Variants in KHDRBS2 observed in about 807,000 individuals in gnomAD.
The protein encoded by KHDRBS2 is KH domain-containing, RNA-binding, signal transduction-associated protein 2.
KHDRBS2 carries 26 observed loss-of-function variants against 44.3 expected under a neutral mutation model. The observed-to-expected ratio is 0.59, with a 90% CI of 0.43 to 0.81. The LOEUF is 0.81. Among genes scored for constraint, KHDRBS2 ranks in the 40% least tolerant of loss-of-function variants. KHDRBS2 has a pLI of 0.00. For synonymous variants in KHDRBS2, 194 were observed against 151.1 expected, an observed-to-expected ratio of 1.28 and a Z score of -2.08; for missense variants, 476 against 433.1, an observed-to-expected ratio of 1.10 and a Z score of -0.88.
intron 1 of KHDRBS2, among the ~76,000 whole-genome samples, chr6:62,279,532 C>G (rs1246085831): frequency 6.6e-6 from 1 of 152,100 alleles, no homozygotes; most frequent in Non-Finnish European, 1.5e-5. Flanking sequence ...GTATGGCCCT[C>G]AAGCTTAGAG....
intron 2 of KHDRBS2, among the ~76,000 whole-genome samples, chr6:62,064,257 C>A (rs1010356605): frequency 6.1e-5 from 9 of 148,024 alleles, no homozygotes; most frequent in East Asian, 2.0e-4. Flanking sequence ...CAATGACTTT[C>A]TTCACAGAAT....
intron 2 of KHDRBS2, among the ~76,000 whole-genome samples, chr6:62,060,835 C>A (rs1433879163): frequency 6.6e-6 from 1 of 151,784 alleles, no homozygotes; most frequent in Non-Finnish European, 1.5e-5. Flanking sequence ...TGGGTCCTTT[C>A]AAATCTGTTG....
chr6:62,077,874 A>T (rs1197970987), intron 2 of KHDRBS2, among the ~76,000 whole-genome samples: 1 of 152,054 alleles, frequency 6.6e-6, no homozygotes, highest in African/African-American at 2.4e-5. Context: ...GAGCAAATAA[A>T]TACATCAGAA....
chr6:62,070,829 A>T (rs1194757775), intron 2 of KHDRBS2, among the ~76,000 whole-genome samples: 1 of 152,144 alleles, frequency 6.6e-6, no homozygotes, highest in Non-Finnish European at 1.5e-5. Flanking sequence ...TAGCAGCATG[A>T]TTTATAATCC....
At chr6:61,604,406 C>G in the KHDRBS2 span, among the ~76,000 whole-genome samples, 1 of 152,154 alleles carries the variant, frequency 6.6e-6, no homozygotes, top group Non-Finnish European at 1.5e-5. Flanking sequence ...TCTGGTCACT[C>G]CCACCTACTC....
chr6:61,918,460 T>C (rs1807433783), intron 4 of KHDRBS2, among the ~76,000 whole-genome samples: 1 of 151,908 alleles, frequency 6.6e-6, no homozygotes, highest in Non-Finnish European at 1.5e-5. Flanking sequence ...GGGACCCTCA[T>C]GATGGGATTA....
chr6:62,194,299 CCTA>C (rs1825185053), intron 1 of KHDRBS2, among the ~76,000 whole-genome samples: 1 of 151,570 alleles, frequency 6.6e-6, no homozygotes, highest in Admixed American at 6.6e-5. Context: ...AAACAGCTGT[CCTA>C]CCACCACTTG....
chr6:61,938,161 G>T (rs925643436), intron 4 of KHDRBS2, among the ~76,000 whole-genome samples: 2 of 151,998 alleles, frequency 1.3e-5, no homozygotes, highest in Non-Finnish European at 2.9e-5. Flanking sequence ...TCTTCAAGGG[G>T]TTTACAATCT....
At chr6:62,239,300 C>T (rs528466308) in intron 1 of KHDRBS2, among the ~76,000 whole-genome samples, 6 of 152,250 alleles carry the variant, frequency 3.9e-5, no homozygotes, top group East Asian at 1.9e-4. Flanking sequence ...TGGCTGAGCA[C>T]GGTGGCTGAC....
At chr6:62,069,227 T>C (rs1794439671) in intron 2 of KHDRBS2, among the ~76,000 whole-genome samples, 1 of 151,674 alleles carries the variant, frequency 6.6e-6, no homozygotes, top group African/African-American at 2.4e-5. Context: ...GATTAACTCA[T>C]ACTTTGTATA....
chr6:61,931,451 C>T (rs1201905805), intron 4 of KHDRBS2, among the ~76,000 whole-genome samples: 1 of 151,880 alleles, frequency 6.6e-6, no homozygotes, highest in Non-Finnish European at 1.5e-5. Flanking sequence ...TACATACACA[C>T]ATATATATGT....
the KHDRBS2 span, among the ~76,000 whole-genome samples, chr6:61,589,078 TA>T: frequency 6.7e-6 from 1 of 148,742 alleles, no homozygotes; most frequent in Non-Finnish European, 1.5e-5. Context: ...GGGGTGGGGG[TA>T]GGGGGGCAAA....
At chr6:61,899,741 C>CT (rs949831688) in intron 5 of KHDRBS2, among the ~76,000 whole-genome samples, 1 of 142,152 alleles carries the variant, frequency 7.0e-6, no homozygotes, top group African/African-American at 2.5e-5. Flanking sequence ...ATGCCCCCCC[C>CT]CCGCATTTTA....
chr6:61,581,208 T>G, the KHDRBS2 span, among the ~76,000 whole-genome samples: 6 of 151,190 alleles, frequency 4.0e-5, no homozygotes, highest in Non-Finnish European at 8.8e-5. Flanking sequence ...AAAAGTGCAT[T>G]GCCATGCAAA....
At chr6:61,607,519 G>GAAAAAAAAAAAAAAAAAAAAAAAA in the KHDRBS2 span, among the ~76,000 whole-genome samples, 4 of 23,310 alleles carry the variant, frequency 1.7e-4, 1 homozygote, top group Non-Finnish European at 3.0e-4. Context: ...TGAGTTCCAA[G>GAAAAAAAAAAAAAAAAAAAAAAAA]CAAAAAAAAA....
rs1371059431 is a variant in KHDRBS2 at position 61,993,661 on chromosome 6, ATATATAT to A, written c.337-15456_337-15450del. Among the ~76,000 whole-genome samples, 14 of 122,418 alleles carry A rather than the reference ATATATAT, an allele frequency of 1.1e-4. 1 individual carries two copies. Among genetic ancestry groups the A allele is most frequent in the African/African-American group, 4.0e-4 (14 of 34,748 alleles). 80.3% of individuals were successfully genotyped at this position (122,418 alleles called of 152,430 possible). A position where few individuals can be genotyped will look rare whatever the true frequency, so the allele number is the denominator to read the frequency against. ...CAGTCCCATAAAATCATATATATAT[ATATATAT>A]ATATATTTTTTTTTTTTGATGTGAG... On this transcript the variant is annotated intron_variant, in intron 3 of 8. Transcript: ENST00000281156.
the KHDRBS2 span, among the ~76,000 whole-genome samples, chr6:61,665,199 A>C: frequency 1.3e-5 from 2 of 151,602 alleles, no homozygotes; most frequent in African/African-American, 4.8e-5. Context: ...TTCATATGTC[A>C]GAAATTAAAA....
chr6:62,249,457 T>C (rs1424248637), intron 1 of KHDRBS2, among the ~76,000 whole-genome samples: 1 of 152,008 alleles, frequency 6.6e-6, no homozygotes, highest in Non-Finnish European at 1.5e-5. Flanking sequence ...AAATCACATA[T>C]ATTAATGTAC....
intron 4 of KHDRBS2, among the ~76,000 whole-genome samples, chr6:61,904,377 T>C (rs926288135): frequency 6.6e-6 from 1 of 152,176 alleles, no homozygotes; most frequent in African/African-American, 2.4e-5. Flanking sequence ...ACACTGCAGG[T>C]TAATTAGTAG....
Sources: allele counts gnomAD v4.1 joint callset (sites outside exome capture counted in the v4.1 genomes callset), GRCh38; gene constraint gnomAD v4.1.1; transcripts MANE v1.5; gene names NCBI Gene and HGNC (gene_info 2026-07-23, HGNC 2026-07-21).